Variants in RIMS2 observed in about 807,000 individuals in gnomAD.
RIMS2 encodes the protein regulating synaptic membrane exocytosis 2.
A neutral mutation model predicts 174.4 loss-of-function variants in RIMS2; 59 were observed. The observed-to-expected ratio is 0.34, with a 90% CI of 0.27 to 0.42. The LOEUF (loss-of-function observed/expected upper bound fraction) is 0.42, where lower values mean the gene tolerates loss of function less well. Ranked by LOEUF, RIMS2 falls within the 10% of genes least tolerant of loss-of-function variation. The probability of loss-of-function intolerance (pLI) is 1.00; values close to 1 mark genes in which losing one functional copy is unlikely to be tolerated. For missense variants in RIMS2, 1,620 were observed against 1,666.3 expected, an observed-to-expected ratio of 0.97 and a Z score of 0.48; for synonymous variants, 606 against 572.5, an observed-to-expected ratio of 1.06 and a Z score of -0.84.
At chr8:103,869,229 C>G (rs2099098544) in intron 3 of RIMS2, among the ~76,000 whole-genome samples, 1 of 150,434 alleles carries the variant, frequency 6.6e-6, no homozygotes, top group African/African-American at 2.5e-5. Context: ...GAATTTCGCT[C>G]CTGTCGCCCA....
chr8:104,069,243 T>C (rs1297558394), intron 19 of RIMS2, among the ~76,000 whole-genome samples: 1 of 152,176 alleles, frequency 6.6e-6, no homozygotes, highest in African/African-American at 2.4e-5. Context: ...TAGGCTAAGC[T>C]AAGCTGTGAT....
chr8:104,135,947 ATCT>A (rs1477911964), intron 19 of RIMS2, among the ~76,000 whole-genome samples: 3 of 152,262 alleles, frequency 2.0e-5, no homozygotes, highest in Non-Finnish European at 2.9e-5. Context: ...TGTTGGGGTA[ATCT>A]TCTGGATAAT....
chr8:103,826,544 T>A (rs2098792051), intron 3 of RIMS2, among the ~76,000 whole-genome samples: 1 of 151,958 alleles, frequency 6.6e-6, no homozygotes, highest in South Asian at 2.1e-4. Context: ...AATAGTTGTA[T>A]AAGCATGGTT....
intron 1 of RIMS2, among the ~76,000 whole-genome samples, chr8:103,636,612 C>T (rs2096079371): frequency 6.6e-6 from 1 of 152,120 alleles, no homozygotes; most frequent in South Asian, 2.1e-4. Context: ...TCTTCATTCT[C>T]TTTGGGTCAG....
chr8:104,075,132 T>G lies in RIMS2; in HGVS notation c.3334+60517T>G, dbSNP rs146491541. 2.4e-3 allele frequency among the ~76,000 whole-genome samples: 364 copies of G among 152,152 alleles called. 2 individuals are homozygous for G. Among genetic ancestry groups the G allele is most frequent in the African/African-American group, 8.3e-3 (344 of 41,548 alleles). Reference sequence around the variant, plus strand: ...CAGCCCAGTAACATGATGAGGTGGATAGAGCCAGGCTTTGTGCCTGCTACA... The same window carrying G: ...CAGCCCAGTAACATGATGAGGTGGAGAGAGCCAGGCTTTGTGCCTGCTACA... On this transcript the variant is annotated intron_variant, in intron 19 of 23. Transcript: ENST00000504942.
chr8:103,679,165 T>C (rs1183090096), intron 1 of RIMS2, among the ~76,000 whole-genome samples: 1 of 151,978 alleles, frequency 6.6e-6, no homozygotes, highest in Non-Finnish European at 1.5e-5. Flanking sequence ...ACACTATATA[T>C]CCTGAAATAT....
chr8:103,599,077 C>G (rs988632935), intron 1 of RIMS2, among the ~76,000 whole-genome samples: 2 of 152,026 alleles, frequency 1.3e-5, no homozygotes, highest in Admixed American at 1.3e-4. Context: ...CAAAAGTTGT[C>G]TGAAAGCCAT....
intron 9 of RIMS2, among the ~76,000 whole-genome samples, chr8:103,920,271 C>T (rs753685197): frequency 6.6e-5 from 10 of 152,038 alleles, no homozygotes; most frequent in Non-Finnish European, 1.5e-4. Flanking sequence ...AGCTGTATGA[C>T]TTCCAAGTTT....
chr8:103,526,113 G>A (rs1833874258), intron 1 of RIMS2, among the ~76,000 whole-genome samples: 1 of 152,160 alleles, frequency 6.6e-6, no homozygotes, highest in Non-Finnish European at 1.5e-5. Context: ...GGCTAATGGA[G>A]CAACAGTTTG....
chr8:103,769,608 G>A (rs1232706990), intron 3 of RIMS2, among the ~76,000 whole-genome samples: 2 of 152,146 alleles, frequency 1.3e-5, no homozygotes, highest in Non-Finnish European at 2.9e-5. Context: ...TTACAGGCGT[G>A]AGCCACCGTG....
exon 10 of RIMS2, chr8:103,921,719 G>C (rs2154529650): frequency 1.3e-6 from 2 of 1,580,594 alleles, no homozygotes; most frequent in Middle Eastern, 3.3e-4. Flanking sequence ...TTCTATTTCT[G>C]TTACCTCTCC....
At chr8:103,518,730 T>C (rs538618841) in intron 1 of RIMS2, among the ~76,000 whole-genome samples, 13 of 152,192 alleles carry the variant, frequency 8.5e-5, no homozygotes, top group African/African-American at 2.6e-4. Flanking sequence ...GGGCCTGTTA[T>C]GATATGTTAA....
intron 1 of RIMS2, among the ~76,000 whole-genome samples, chr8:103,601,778 T>G (rs11775389): frequency 6.6e-6 from 1 of 151,974 alleles, no homozygotes; most frequent in Admixed American, 6.5e-5. Flanking sequence ...GTTTTATGAT[T>G]TACTTTTTGC....
intron 19 of RIMS2, among the ~76,000 whole-genome samples, chr8:104,081,851 T>C (rs1365580217): frequency 6.6e-6 from 1 of 152,002 alleles, no homozygotes; most frequent in Non-Finnish European, 1.5e-5. Context: ...TAACCAAATG[T>C]GTGGTTCAGT....
chr8:104,094,531 T>C, intron 19 of RIMS2: 1 of 701,334 alleles, frequency 1.4e-6, no homozygotes. Context: ...GAAGAGATAG[T>C]TCATGAGAAG....
At chr8:103,517,599 A>G (rs1333902664) in intron 1 of RIMS2, among the ~76,000 whole-genome samples, 2 of 152,192 alleles carry the variant, frequency 1.3e-5, no homozygotes, top group Non-Finnish European at 2.9e-5. Flanking sequence ...GTGCAGTCTT[A>G]TAGAATTATG....
intron 3 of RIMS2, among the ~76,000 whole-genome samples, chr8:103,792,607 C>A (rs149622027): frequency 0.01 from 1,513 of 148,424 alleles, 19 homozygotes; most frequent in South Asian, 0.049. Context: ...CACAAAAAAC[C>A]CTTCAAAAAA....
At chr8:104,072,651 T>C (rs2097214970) in intron 19 of RIMS2, among the ~76,000 whole-genome samples, 1 of 152,142 alleles carries the variant, frequency 6.6e-6, no homozygotes, top group African/African-American at 2.4e-5. Flanking sequence ...ATTGTTAGCC[T>C]AGGTTTTTTT....
chr8:103,879,094 G>C (rs1008702754), intron 3 of RIMS2, among the ~76,000 whole-genome samples: 2 of 151,448 alleles, frequency 1.3e-5, no homozygotes, highest in African/African-American at 2.4e-5. Flanking sequence ...ACTGAAAGGA[G>C]AATAAACACT....
Sources: allele counts gnomAD v4.1 joint callset (sites outside exome capture counted in the v4.1 genomes callset), GRCh38; gene constraint gnomAD v4.1.1; transcripts MANE v1.5; gene names NCBI Gene and HGNC (gene_info 2026-07-23, HGNC 2026-07-21).